GPC6: variants seen among roughly 807,000 people sequenced by gnomAD.
The protein encoded by GPC6 is glypican 6, also known as glypican-6.
In GPC6, 14 loss-of-function variants were observed where a neutral mutation model predicts 55.2. The observed-to-expected ratio is 0.25, with a 90% CI of 0.17 to 0.40. The LOEUF (loss-of-function observed/expected upper bound fraction) is 0.40. GPC6 is among the 10% of genes least tolerant of loss of function. The probability of loss-of-function intolerance (pLI) is 1.00; values close to 1 mark genes in which losing one functional copy is unlikely to be tolerated. For missense variants in GPC6, 641 were observed against 708.5 expected, an observed-to-expected ratio of 0.90 and a Z score of 1.08; for synonymous variants, 278 against 259.6, an observed-to-expected ratio of 1.07 and a Z score of -0.68.
intron 1 of GPC6, among the ~76,000 whole-genome samples, chr13:93,422,283 T>C (rs532355905): frequency 8.5e-5 from 13 of 152,322 alleles, no homozygotes; most frequent in African/African-American, 3.1e-4. Flanking sequence ...AGATTTTTCA[T>C]TTAGAGAAAT....
intron 6 of GPC6, among the ~76,000 whole-genome samples, chr13:94,379,852 G>A (rs545616240): frequency 1.3e-5 from 2 of 152,254 alleles, no homozygotes; most frequent in African/African-American, 2.4e-5. Flanking sequence ...CAAAAAGCAT[G>A]TTGTCTAAAA....
chr13:93,244,726 C>CA (rs1876541521), intron 1 of GPC6, among the ~76,000 whole-genome samples: 1 of 152,190 alleles, frequency 6.6e-6, no homozygotes, highest in African/African-American at 2.4e-5. Flanking sequence ...TTTCACGCTC[C>CA]AAAGACTGAA....
chr13:93,805,094 T>C (rs968997523), intron 2 of GPC6, among the ~76,000 whole-genome samples: 3 of 152,268 alleles, frequency 2.0e-5, no homozygotes, highest in African/African-American at 7.2e-5. Flanking sequence ...ATAGAGAAAT[T>C]GAACCAGGAT....
chr13:93,390,690 A>G (rs1311514217), intron 1 of GPC6, among the ~76,000 whole-genome samples: 4 of 151,706 alleles, frequency 2.6e-5, no homozygotes, highest in African/African-American at 9.7e-5. Flanking sequence ...TCCCCAGAAG[A>G]TTGATCTTTA....
At chr13:93,273,927 C>T (rs1471878573) in intron 1 of GPC6, among the ~76,000 whole-genome samples, 3 of 151,906 alleles carry the variant, frequency 2.0e-5, no homozygotes, top group African/African-American at 2.4e-5. Context: ...TGTGCCTCAG[C>T]GTCCTGAGTA....
intron 1 of GPC6, among the ~76,000 whole-genome samples, chr13:93,519,399 G>A (rs1215289584): frequency 1.3e-5 from 2 of 151,934 alleles, no homozygotes; most frequent in African/African-American, 4.8e-5. Context: ...CCACACATTA[G>A]CAATGTACAA....
At chr13:93,653,644 A>AT (rs34428353) in intron 2 of GPC6, among the ~76,000 whole-genome samples, 115,885 of 150,340 alleles carry the variant, frequency 0.77, 46,050 homozygotes, top group Middle Eastern at 0.91. Flanking sequence ...ACTTAAAAAA[A>AT]ATATATATTT....
chr13:94,124,782 C>T (rs1163756408), intron 4 of GPC6, among the ~76,000 whole-genome samples: 1 of 152,050 alleles, frequency 6.6e-6, no homozygotes, highest in African/African-American at 2.4e-5. Context: ...GTCAGAATTT[C>T]TAACTGTCCC....
chr13:93,882,174 T>G (rs986475702), intron 3 of GPC6, among the ~76,000 whole-genome samples: 1 of 151,982 alleles, frequency 6.6e-6, no homozygotes, highest in African/African-American at 2.4e-5. Context: ...GTTTGTTTTT[T>G]GACAGGGTCT....
intron 2 of GPC6, among the ~76,000 whole-genome samples, chr13:93,607,300 A>C (rs1036099757): frequency 2.6e-5 from 4 of 152,244 alleles, no homozygotes; most frequent in Non-Finnish European, 5.9e-5. Flanking sequence ...ACTGGATATA[A>C]AAATTGCAAT....
chr13:94,225,755 C>T (rs1035221416), intron 4 of GPC6, among the ~76,000 whole-genome samples: 8 of 151,332 alleles, frequency 5.3e-5, no homozygotes, highest in African/African-American at 1.9e-4. Context: ...CTGATGAAAA[C>T]GTGACCAGAG....
Position 93,901,523 on chromosome 13 carries a change from A to G in GPC6, c.711+70978A>G, listed in dbSNP as rs79718712. On this transcript the variant is annotated intron_variant, in intron 3 of 8. Transcript: ENST00000377047. ...TAATACTGATTTTGTTCTGAAACCA[A>G]TTGTTTGAAAATTCTGAATCAACTG... is the stretch of plus-strand genomic sequence containing the variant. Among the ~76,000 whole-genome samples the G allele has an allele frequency of 1.6e-4, 25 of 152,282 alleles. No individual in the cohort carries two copies. The South Asian group carries it at 5.2e-3, about 32-fold the overall frequency.
intron 2 of GPC6, among the ~76,000 whole-genome samples, chr13:93,721,672 A>C (rs1883459518): frequency 6.6e-6 from 1 of 151,792 alleles, no homozygotes; most frequent in Non-Finnish European, 1.5e-5. Context: ...GAGCAAAAAT[A>C]TTATTAAATG....
intron 2 of GPC6, among the ~76,000 whole-genome samples, chr13:93,657,615 C>T (rs1880733746): frequency 6.6e-6 from 1 of 152,030 alleles, no homozygotes; most frequent in African/African-American, 2.4e-5. Context: ...TCTAATTAAA[C>T]TATAGAGCTT....
chr13:93,912,861 T>C (rs928423990), intron 3 of GPC6, among the ~76,000 whole-genome samples: 6 of 152,218 alleles, frequency 3.9e-5, no homozygotes, highest in African/African-American at 1.4e-4. Flanking sequence ...TCTAAGTCCC[T>C]ACCTGCCAGT....
At chr13:94,368,900 GATTAT>G (rs1454181650) in intron 6 of GPC6, among the ~76,000 whole-genome samples, 3 of 152,162 alleles carry the variant, frequency 2.0e-5, no homozygotes, top group African/African-American at 4.8e-5. Flanking sequence ...TCCAAAACTG[GATTAT>G]ATTAAATTCT....
chr13:93,578,725 T>C (rs1876794049), intron 2 of GPC6, among the ~76,000 whole-genome samples: 1 of 151,872 alleles, frequency 6.6e-6, no homozygotes, highest in African/African-American at 2.4e-5. Flanking sequence ...TTCTCCGAGT[T>C]TTCTGTTTGA....
At chr13:93,481,938 A>G (rs143066607) in intron 1 of GPC6, among the ~76,000 whole-genome samples, 5 of 152,166 alleles carry the variant, frequency 3.3e-5, no homozygotes, top group Non-Finnish European at 7.4e-5. Context: ...GAGCTTGTCA[A>G]TTTTTTTAAA....
At chr13:93,322,334 G>A (rs773116960) in intron 1 of GPC6, among the ~76,000 whole-genome samples, 35 of 150,650 alleles carry the variant, frequency 2.3e-4, no homozygotes, top group Non-Finnish European at 4.3e-4. Flanking sequence ...GTGTATATGT[G>A]TCAATGTGTT....
Sources: allele counts gnomAD v4.1 joint callset (sites outside exome capture counted in the v4.1 genomes callset), GRCh38; gene constraint gnomAD v4.1.1; transcripts MANE v1.5; gene names NCBI Gene and HGNC (gene_info 2026-07-23, HGNC 2026-07-21).